The following LRRC4C variants were observed in gnomAD, a reference collection of about 807,000 sequenced individuals.
The protein encoded by LRRC4C is leucine-rich repeat-containing protein 4C.
LRRC4C carries 5 observed loss-of-function variants against 33.6 expected under a neutral mutation model. The ratio of observed to expected loss-of-function variants is 0.15; its 90% CI spans 0.08 to 0.31. The LOEUF is 0.31. Ranked by LOEUF, LRRC4C falls within the 10% of genes least tolerant of loss-of-function variation. The pLI, the probability that LRRC4C is intolerant of heterozygous loss-of-function variation, is 1.00. For synonymous variants in LRRC4C, 329 were observed against 302.0 expected (o/e 1.09, Z -0.93); for missense variants, 560 against 796.7 (o/e 0.70, Z 3.58).
At chr11:40,366,653 C>T (rs902050988) in intron 3 of LRRC4C, among the ~76,000 whole-genome samples, 2 of 151,876 alleles carry the variant, frequency 1.3e-5, no homozygotes, top group African/African-American at 2.4e-5. Flanking sequence ...AATTTAAATG[C>T]TGTATATACA....
intron 1 of LRRC4C, among the ~76,000 whole-genome samples, chr11:41,044,364 A>G (rs1857631857): frequency 6.6e-6 from 1 of 152,168 alleles, no homozygotes; most frequent in Non-Finnish European, 1.5e-5. Flanking sequence ...TTTAGCATGG[A>G]GGGAGAATTC....
chr11:41,094,381 C>T (rs1207024941), intron 1 of LRRC4C, among the ~76,000 whole-genome samples: 6 of 149,662 alleles, frequency 4.0e-5, no homozygotes, highest in South Asian at 2.1e-4. Context: ...AAAAATTAGC[C>T]GGCCTGGTGG....
intron 4 of LRRC4C, among the ~76,000 whole-genome samples, chr11:40,307,399 C>T (rs1945093360): frequency 6.6e-6 from 1 of 152,140 alleles, no homozygotes; most frequent in Non-Finnish European, 1.5e-5. Context: ...TGTCCTGCTC[C>T]CTTGCCTGTG....
At chr11:40,631,727 T>C (rs1963495318) in intron 3 of LRRC4C, among the ~76,000 whole-genome samples, 2 of 152,140 alleles carry the variant, frequency 1.3e-5, no homozygotes, top group Non-Finnish European at 2.9e-5. Context: ...TCTGCAAATA[T>C]TATCTGAGAT....
chr11:41,311,734 C>T (rs1241369768), intron 1 of LRRC4C, among the ~76,000 whole-genome samples: 1 of 152,084 alleles, frequency 6.6e-6, no homozygotes, highest in Non-Finnish European at 1.5e-5. Flanking sequence ...TACTAAATGA[C>T]ATTAAATTGT....
chr11:40,146,923 C>A (rs1020606978), intron 5 of LRRC4C, among the ~76,000 whole-genome samples: 2 of 152,090 alleles, frequency 1.3e-5, no homozygotes, highest in Non-Finnish European at 2.9e-5. Context: ...GGTATAGCAC[C>A]ATTGAGAGCA....
chr11:41,402,579 T>C (rs1488688618), intron 1 of LRRC4C, among the ~76,000 whole-genome samples: 1 of 152,082 alleles, frequency 6.6e-6, no homozygotes, highest in East Asian at 1.9e-4. Flanking sequence ...CATTTTATTA[T>C]GTAAAAAATA....
chr11:40,672,803 A>G (rs1944194866), intron 2 of LRRC4C, among the ~76,000 whole-genome samples: 1 of 152,194 alleles, frequency 6.6e-6, no homozygotes, highest in African/African-American at 2.4e-5. Context: ...TGTTTTTATG[A>G]AGAAAATAGC....
chr11:40,651,970 G>A (rs1942831801), intron 2 of LRRC4C, among the ~76,000 whole-genome samples: 1 of 152,194 alleles, frequency 6.6e-6, no homozygotes, highest in South Asian at 2.1e-4. Context: ...GTATCTGTAT[G>A]AGAGTTGTGA....
intron 2 of LRRC4C, among the ~76,000 whole-genome samples, chr11:40,851,206 C>T (rs1953474602): frequency 6.6e-6 from 1 of 151,904 alleles, no homozygotes; most frequent in Non-Finnish European, 1.5e-5. Flanking sequence ...CTGCAGCTAG[C>T]TTGGCTTCTG....
chr11:41,274,357 C>A (rs1460797953), intron 1 of LRRC4C, among the ~76,000 whole-genome samples: 1 of 152,042 alleles, frequency 6.6e-6, no homozygotes, highest in African/African-American at 2.4e-5. Flanking sequence ...GGCCAAAGAT[C>A]ATAATCAGAA....
At chr11:41,123,261 GTTTTTTTTTTT>G (rs1217714729) in intron 1 of LRRC4C, among the ~76,000 whole-genome samples, 926 of 48,048 alleles carry the variant, frequency 0.019, 16 homozygotes, top group African/African-American at 0.049. Context: ...GCTATGTTTT[GTTTTTTTTTTT>G]TTTTTTTTTT....
chr11:40,448,496 T>C (rs1293865206), intron 3 of LRRC4C, among the ~76,000 whole-genome samples: 2 of 151,792 alleles, frequency 1.3e-5, no homozygotes, highest in Non-Finnish European at 2.9e-5. Flanking sequence ...TGAGAACATG[T>C]GGTGTTTGGT....
chr11:40,618,570 AC>A (rs941724791), intron 3 of LRRC4C, among the ~76,000 whole-genome samples: 14 of 151,730 alleles, frequency 9.2e-5, no homozygotes, highest in Admixed American at 9.2e-4. Context: ...GCATGGGAAA[AC>A]TTACCCTAGC....
intron 1 of LRRC4C, among the ~76,000 whole-genome samples, chr11:41,262,026 T>C (rs2136742010): frequency 6.6e-6 from 1 of 152,154 alleles, no homozygotes; most frequent in Non-Finnish European, 1.5e-5. Context: ...AATAAAATCC[T>C]GGAATAGAAG....
chr11:40,225,619 C>CTTTTTTT (rs34973833), intron 5 of LRRC4C, among the ~76,000 whole-genome samples: 1 of 140,830 alleles, frequency 7.1e-6, no homozygotes. Flanking sequence ...CTCTCTCTCT[C>CTTTTTTT]TTTTTTTTTT....
chr11:40,871,450 A>G (rs1365017796), intron 2 of LRRC4C, among the ~76,000 whole-genome samples: 1 of 151,710 alleles, frequency 6.6e-6, no homozygotes, highest in Non-Finnish European at 1.5e-5. Context: ...CTGTCCCTTT[A>G]TTTCTCAGAC....
intron 1 of LRRC4C, among the ~76,000 whole-genome samples, chr11:41,296,100 A>G (rs1786956003): frequency 6.6e-6 from 1 of 152,132 alleles, no homozygotes; most frequent in Non-Finnish European, 1.5e-5. Flanking sequence ...GTGTGGATCA[A>G]TATTTCCTAC....
chr11:41,330,482 A>T (rs1951258844), intron 1 of LRRC4C, among the ~76,000 whole-genome samples: 1 of 152,170 alleles, frequency 6.6e-6, no homozygotes, highest in African/African-American at 2.4e-5. Context: ...CTAATGTATC[A>T]TGACATTAGA....
Sources: allele counts gnomAD v4.1 joint callset (sites outside exome capture counted in the v4.1 genomes callset), GRCh38; gene constraint gnomAD v4.1.1; transcripts MANE v1.5; gene names NCBI Gene and HGNC (gene_info 2026-07-23, HGNC 2026-07-21).